The following TMEM232 variants were observed in gnomAD, a reference collection of about 807,000 sequenced individuals.
The protein encoded by TMEM232 is transmembrane protein 232.
Under a neutral mutation model 78.8 loss-of-function variants are expected in TMEM232, and 80 were observed. That is an observed-to-expected ratio of 1.01 (90% CI 0.85 to 1.22). TMEM232 has a LOEUF of 1.22. Among genes scored for constraint, TMEM232 ranks in the 50% most tolerant of loss-of-function variants. The pLI is 0.00. For missense variants in TMEM232, 881 were observed against 742.2 expected (o/e 1.19, Z -2.17); for synonymous variants, 297 against 254.3 (o/e 1.17, Z -1.60).
Position 110,640,883 on chromosome 5 carries a change from G to T in TMEM232, c.343+8C>A. 1 of 1,502,712 alleles carries T rather than the reference G, an allele frequency of 6.7e-7. No homozygotes were observed. Among genetic ancestry groups the T allele is most frequent in the Non-Finnish European group, 8.9e-7 (1 of 1,120,654 alleles). The allele number at this position is 1,502,712 out of a possible 1,614,324, so 93.1% of individuals were successfully genotyped here. On this transcript the variant is annotated splice_region_variant and intron_variant, in intron 4 of 13. Coordinates refer to ENST00000455884, the MANE Select transcript of TMEM232 (RefSeq NM_001039763.4). ...TTAGGATGCCTAATAAGAATTTAAA[G>T]TACGTACCATCTTGGATTTCCCCTT...
At chr5:110,642,938 T>C (rs1397248447) in intron 2 of TMEM232, among the ~76,000 whole-genome samples, 1 of 152,048 alleles carries the variant, frequency 6.6e-6, no homozygotes, top group Non-Finnish European at 1.5e-5. Flanking sequence ...AGCAAATTTC[T>C]CCAATGCTAT....
chr5:110,467,147 C>G (rs750484526), intron 12 of TMEM232, among the ~76,000 whole-genome samples: 1 of 152,088 alleles, frequency 6.6e-6, no homozygotes, highest in South Asian at 2.1e-4. Context: ...AATATGCTTA[C>G]ATAATTCATC....
chr5:110,502,282 C>T (rs1766350758), intron 12 of TMEM232, among the ~76,000 whole-genome samples: 1 of 152,058 alleles, frequency 6.6e-6, no homozygotes, highest in Admixed American at 6.6e-5. Flanking sequence ...TTCTGCAGTT[C>T]CAGGGACTGA....
intron 11 of TMEM232, among the ~76,000 whole-genome samples, chr5:110,559,726 C>T (rs576257652): frequency 1.3e-5 from 2 of 152,152 alleles, no homozygotes; most frequent in African/African-American, 4.8e-5. Context: ...GAACAAAGTA[C>T]CACAAAATTT....
At chr5:110,510,122 G>C (rs1357929944) in intron 12 of TMEM232, among the ~76,000 whole-genome samples, 1 of 152,062 alleles carries the variant, frequency 6.6e-6, no homozygotes, top group African/African-American at 2.4e-5. Flanking sequence ...AGGAAATGTT[G>C]CTTGTGCCCA....
intron 3 of TMEM232, among the ~76,000 whole-genome samples, chr5:110,395,795 G>A (rs1489155066): frequency 6.6e-6 from 1 of 152,080 alleles, no homozygotes; most frequent in African/African-American, 2.4e-5. Context: ...TACGTACATG[G>A]GAGTTGTCTG....
chr5:110,600,177 A>G (rs1780708172), intron 10 of TMEM232, among the ~76,000 whole-genome samples: 1 of 152,198 alleles, frequency 6.6e-6, no homozygotes, highest in Non-Finnish European at 1.5e-5. Flanking sequence ...TAAAAGGGAA[A>G]TTTATAGTAC....
chr5:110,514,640 A>G (rs910801135), intron 12 of TMEM232, among the ~76,000 whole-genome samples: 1 of 152,176 alleles, frequency 6.6e-6, no homozygotes, highest in Non-Finnish European at 1.5e-5. Flanking sequence ...CATATTTCAC[A>G]TAGTCTGAAG....
chr5:110,502,617 C>T (rs574319300), intron 12 of TMEM232, among the ~76,000 whole-genome samples: 3 of 152,124 alleles, frequency 2.0e-5, no homozygotes, highest in Non-Finnish European at 4.4e-5. Context: ...ACTGGAACTC[C>T]TCATTTGGAT....
At chr5:110,704,016 C>G (rs1294255258) in intron 1 of TMEM232, among the ~76,000 whole-genome samples, 2 of 152,084 alleles carry the variant, frequency 1.3e-5, no homozygotes, top group African/African-American at 4.8e-5. Context: ...GAGGATTTCT[C>G]CATCCTCATT....
chr5:110,485,885 A>C (rs910496654), intron 12 of TMEM232, among the ~76,000 whole-genome samples: 2 of 152,040 alleles, frequency 1.3e-5, no homozygotes, highest in African/African-American at 4.8e-5. Flanking sequence ...TCTTTAAGGA[A>C]TCTCCACACT....
At chr5:110,398,936 G>A (rs954903549) in intron 2 of TMEM232, among the ~76,000 whole-genome samples, 1 of 152,138 alleles carries the variant, frequency 6.6e-6, no homozygotes, top group African/African-American at 2.4e-5. Context: ...TGTGGCAGAA[G>A]TAGCAGCATC....
chr5:110,559,152 A>T (rs1035034495), intron 11 of TMEM232, among the ~76,000 whole-genome samples: 2 of 152,156 alleles, frequency 1.3e-5, no homozygotes, highest in African/African-American at 4.8e-5. Context: ...CACAAAGAAA[A>T]AAATATATAC....
chr5:110,542,523 G>C (rs1773262949), intron 11 of TMEM232, among the ~76,000 whole-genome samples: 1 of 152,094 alleles, frequency 6.6e-6, no homozygotes, highest in Non-Finnish European at 1.5e-5. Flanking sequence ...TCATTAGACA[G>C]AGCAGAATGA....
intron 2 of TMEM232, among the ~76,000 whole-genome samples, chr5:110,659,458 A>G (rs1294003100): frequency 2.0e-5 from 3 of 152,180 alleles, no homozygotes; most frequent in African/African-American, 7.2e-5. Context: ...GTACACTTAC[A>G]GGTGCCTGGG....
chr5:110,658,459 C>T (rs181185597), intron 2 of TMEM232, among the ~76,000 whole-genome samples: 2 of 152,126 alleles, frequency 1.3e-5, no homozygotes, highest in South Asian at 2.1e-4. Flanking sequence ...AAAGAAAACC[C>T]TAAACAGATT....
At chr5:110,733,485 T>C (rs1798874955) in intron 2 of TMEM232, among the ~76,000 whole-genome samples, 3 of 152,176 alleles carry the variant, frequency 2.0e-5, no homozygotes, top group South Asian at 2.1e-4. Flanking sequence ...ATGTACACCA[T>C]GGAATACTAT....
At chr5:110,668,006 A>G (rs571791955) in intron 1 of TMEM232, among the ~76,000 whole-genome samples, 1 of 152,096 alleles carries the variant, frequency 6.6e-6, no homozygotes, top group African/African-American at 2.4e-5. Context: ...GTGGAGATTT[A>G]GTCAGCAAAA....
At chr5:110,620,454 G>A (rs540392405) in intron 7 of TMEM232, among the ~76,000 whole-genome samples, 1 of 152,258 alleles carries the variant, frequency 6.6e-6, no homozygotes, top group South Asian at 2.1e-4. Context: ...AACCTCTAGA[G>A]AGAACCCTTA....
Sources: allele counts gnomAD v4.1 joint callset (sites outside exome capture counted in the v4.1 genomes callset), GRCh38; gene constraint gnomAD v4.1.1; transcripts MANE v1.5; gene names NCBI Gene and HGNC (gene_info 2026-07-23, HGNC 2026-07-21).